PCDHGB2: variants seen among roughly 807,000 people sequenced by gnomAD.
PCDHGB2 encodes protocadherin gamma subfamily B, 2.
PCDHGB2 carries 55 observed loss-of-function variants against 59.3 expected under a neutral mutation model. The ratio of observed to expected loss-of-function variants is 0.93; its 90% CI spans 0.75 to 1.16. PCDHGB2 has a LOEUF of 1.16. Among genes scored for constraint, PCDHGB2 ranks in the 50% most tolerant of loss-of-function variants. PCDHGB2 has a pLI of 0.00. For missense variants in PCDHGB2, 1,228 were observed against 1,198.5 expected, an observed-to-expected ratio of 1.02 and a Z score of -0.36; for synonymous variants, 516 against 512.0, an observed-to-expected ratio of 1.01 and a Z score of -0.11.
intron 1 of PCDHGB2, among the ~76,000 whole-genome samples, chr5:141,455,860 ATTATTTATTTAT>A (rs145569377): frequency 0.023 from 3,231 of 139,812 alleles, 82 homozygotes; most frequent in African/African-American, 0.066. Context: ...AATTTCTTTT[ATTATTTATTTAT>A]TTATTTATTT....
At chr5:141,444,788 G>T (rs775248284) in intron 1 of PCDHGB2, among the ~76,000 whole-genome samples, 59 of 151,920 alleles carry the variant, frequency 3.9e-4, no homozygotes, top group Non-Finnish European at 5.7e-4. Context: ...TGTTTCATTT[G>T]TCTATTCTTT....
In PCDHGB2 at chr5:141,385,469, C is replaced by T. The variant is rs536184133; in HGVS notation, c.2421+22913C>T. 3.5e-5 allele frequency: 50 copies of T among 1,439,702 alleles called. No homozygotes were observed. In the South Asian group the frequency reaches 7.4e-4, roughly 21 times the overall value. The allele number at this position is 1,439,702 out of a possible 1,614,324, so 89.2% of individuals were successfully genotyped here. ...GTTTACCAGTTTCCTTCAGTGGTGA[C>T]ACTTTAATATAGAACACATAGGATA... On this transcript the variant is annotated intron_variant, in intron 1 of 3. Transcript: ENST00000522605.
chr5:141,378,499 G>A (rs1220046096), intron 1 of PCDHGB2: 1 of 152,084 alleles, frequency 6.6e-6, no homozygotes, highest in Non-Finnish European at 1.5e-5. Context: ...CTCCAGTCTG[G>A]GTGACAGAGC....
In PCDHGB2 at chr5:141,374,652, A is replaced by C. The variant is rs947408708; in HGVS notation, c.2421+12096A>C. Reference sequence around the variant, plus strand: ...GTGCAAAGCGAAGCCCATGGGCCCAAGTACCCGGAGCTGGTGCTGGAGGGC... The same window carrying C: ...GTGCAAAGCGAAGCCCATGGGCCCACGTACCCGGAGCTGGTGCTGGAGGGC... On this transcript the variant is annotated intron_variant, in intron 1 of 3. Coordinates refer to ENST00000522605, the MANE Select transcript of PCDHGB2 (RefSeq NM_018923.3). 1.2e-6 allele frequency: 2 copies of C among 1,612,302 alleles called. No homozygotes were observed.
intron 1 of PCDHGB2, among the ~76,000 whole-genome samples, chr5:141,425,629 C>G (rs1297803997): frequency 1.3e-5 from 2 of 152,162 alleles, no homozygotes; most frequent in Admixed American, 1.3e-4. Flanking sequence ...CTCCAGTTTT[C>G]TCTGATAAAA....
chr5:141,457,417 CT>C lies in PCDHGB2; in HGVS notation c.2422-37385del, dbSNP rs894846890. On this transcript the variant is annotated intron_variant, in intron 1 of 3. Transcript: ENST00000522605. ...ATTCACATTTTCACATTACCCATCC[CT>C]TTTTCCCCCCCACCAAGCTGCAGAA... Among the ~76,000 whole-genome samples, 3 of 152,296 alleles carry C rather than the reference CT, an allele frequency of 2.0e-5. No individual in the cohort carries two copies. In the South Asian group the frequency reaches 6.2e-4, roughly 32 times the overall value.
chr5:141,502,634 T>C (rs1306951640), intron 2 of PCDHGB2, among the ~76,000 whole-genome samples: 1 of 152,228 alleles, frequency 6.6e-6, no homozygotes. Flanking sequence ...CTGTGGATGA[T>C]ACTTTGAGAT....
Position 141,360,708 on chromosome 5 carries a change from T to C in PCDHGB2, c.573T>C (p.Tyr191=). 1 of 1,613,948 alleles carries C rather than the reference T, an allele frequency of 6.2e-7. No homozygotes were observed. The highest frequency in any genetic ancestry group is 1.1e-5 in the South Asian group (1 of 91,084). ...AACAGACTCCAGATGGTCGTAAATA[T>C]CCTGAGTTGATTCTAAAACACTCTC... is the stretch of plus-strand genomic sequence containing the variant. The part of the protein sequence containing the change: ...AEKQTPDGRK[Y]PELILKHSLD... Residue 191 remains tyrosine (Y), a synonymous_variant, in exon 1 of 4, where the codon TAT becomes TAC. Transcript: ENST00000522605.
intron 1 of PCDHGB2, chr5:141,410,374 G>A: frequency 6.2e-7 from 1 of 1,613,976 alleles, no homozygotes; most frequent in Non-Finnish European, 8.5e-7. Flanking sequence ...CTGCTACTTG[G>A]GACTGCTTCC....
At position 141,361,514 on chromosome 5, in the gene PCDHGB2, AC is replaced by A; in HGVS notation, c.1380del (p.His460GlnfsTer33). 6.2e-7 allele frequency: 1 copy of A among 1,614,028 alleles called. No individual in the cohort carries two copies. Among genetic ancestry groups the A allele is most frequent in the South Asian group, 1.1e-5 (1 of 91,082 alleles). On this transcript the variant is annotated frameshift_variant, in exon 1 of 4. Coordinates refer to ENST00000522605, the MANE Select transcript of PCDHGB2 (RefSeq NM_018923.3). LOFTEE classifies it high-confidence loss of function. ...TTCCAACAGACTTCCTACATGGTTCACGTGGCAGAGAACAATCCTCCTGGCG... is the reference window on the plus strand; with the variant it reads ...TTCCAACAGACTTCCTACATGGTTCAGTGGCAGAGAACAATCCTCCTGGCG... ...PVFQQTSYMV[H>X]VAENNPPGAS...
At chr5:141,506,191 C>T (rs932500250) in intron 3 of PCDHGB2, among the ~76,000 whole-genome samples, 8 of 152,182 alleles carry the variant, frequency 5.3e-5, no homozygotes, top group African/African-American at 1.9e-4. Flanking sequence ...TGGCTCACGC[C>T]TGTAATCCCA....
intron 1 of PCDHGB2, chr5:141,417,038 T>TAAA (rs567249795): frequency 5.5e-5 from 8 of 145,968 alleles, no homozygotes; most frequent in East Asian, 2.0e-4. Context: ...GTTTTTTTTT[T>TAAA]AAAAAAAACT....
At position 141,491,904 on chromosome 5, in the gene PCDHGB2, G is replaced by C; in HGVS notation, c.2422-2903G>C. The C allele has an allele frequency of 7.0e-7, 1 of 1,423,838 alleles. No individual in the cohort carries two copies. The allele number at this position is 1,423,838 out of a possible 1,614,324, so 88.2% of individuals were successfully genotyped here. ...GGATGGGGCTCCGAGCACCGGGGGT[G>C]GTGGCGACTGTGGGCGAGGGGAGGT... On this transcript the variant is annotated intron_variant, in intron 1 of 3. Coordinates refer to ENST00000522605, the MANE Select transcript of PCDHGB2 (RefSeq NM_018923.3). This position sits in a 1 kb window ranked among gnomAD's most constrained non-coding sequence, Gnocchi z 6.9.
At chr5:141,390,536 C>T (rs2092171598) in intron 1 of PCDHGB2, 1 of 522,874 alleles carries the variant, frequency 1.9e-6, no homozygotes, top group Non-Finnish European at 3.4e-6. Context: ...TGGTTTTAAC[C>T]ACAAAGTGAA....
rs1317150359 is a variant in PCDHGB2 at position 141,420,381 on chromosome 5, G to A, written c.2421+57825G>A. On this transcript the variant is annotated intron_variant, in intron 1 of 3. Transcript: ENST00000522605. ...TCTAGATAACTTCTTCATAGAGTTC[G>A]CAAAATATAGGTCAAATTTATGGTT... The A allele has an allele frequency of 1.1e-5, 14 of 1,298,362 alleles. No homozygotes were observed. In the Admixed American group the frequency reaches 1.3e-4, roughly 13 times the overall value. The allele number at this position is 1,298,362 out of a possible 1,614,324, so 80.4% of individuals were successfully genotyped here.
chr5:141,443,436 T>A (rs1435598893), intron 1 of PCDHGB2, among the ~76,000 whole-genome samples: 1 of 152,132 alleles, frequency 6.6e-6, no homozygotes, highest in Admixed American at 6.6e-5. Context: ...CAGTGAGCTG[T>A]GGTTGCGCTC....
At chr5:141,473,635 C>A (rs945632106) in intron 1 of PCDHGB2, among the ~76,000 whole-genome samples, 1 of 152,128 alleles carries the variant, frequency 6.6e-6, no homozygotes, top group African/African-American at 2.4e-5. Flanking sequence ...AGCAGCTTTC[C>A]TGGCAAAGGA....
intron 1 of PCDHGB2, chr5:141,399,995 G>T (rs1042095164): frequency 1.9e-6 from 3 of 1,612,094 alleles, no homozygotes; most frequent in Non-Finnish European, 2.5e-6. Context: ...GGAGAGGTGC[G>T]CACAGCGCGT....
chr5:141,389,914 C>G (rs754458764), intron 1 of PCDHGB2: 1 of 1,614,074 alleles, frequency 6.2e-7, no homozygotes, highest in Non-Finnish European at 8.5e-7. Flanking sequence ...ACTGACCGCC[C>G]CGACCCCTCT....
Sources: gnomAD v4.1 joint callset for allele counts (sites outside exome capture counted in the v4.1 genomes callset) on GRCh38, gnomAD v4.1.1 for gene constraint, Gnocchi (gnomAD v3.1) non-coding constraint, MANE v1.5 for transcripts, NCBI Gene and HGNC (gene_info 2026-07-23, HGNC 2026-07-21) for gene names.